SAE1: variants seen among roughly 807,000 people sequenced by gnomAD.
SAE1 encodes the protein SUMO-activating enzyme subunit 1.
A neutral mutation model predicts 40.6 loss-of-function variants in SAE1; 11 were observed. The observed-to-expected ratio is 0.27, with a 90% CI of 0.17 to 0.45. SAE1 has a LOEUF of 0.45. SAE1 is among the 20% of genes least tolerant of loss of function. The pLI is 1.00. For missense variants in SAE1, 373 were observed against 427.3 expected (o/e 0.87, Z 1.12); for synonymous variants, 155 against 154.3 (o/e 1.00, Z -0.03).
chr19:47,138,855 A>C (rs1167148680), intron 1 of SAE1, among the ~76,000 whole-genome samples: 1 of 152,178 alleles, frequency 6.6e-6, no homozygotes, highest in Non-Finnish European at 1.5e-5. Flanking sequence ...TCTTAATCAA[A>C]ACAAAAACAA....
intron 5 of SAE1, among the ~76,000 whole-genome samples, chr19:47,157,779 A>G (rs1043491715): frequency 6.6e-6 from 1 of 152,144 alleles, no homozygotes; most frequent in Non-Finnish European, 1.5e-5. Context: ...CACTTGAACA[A>G]TGCAGGCTCG....
chr19:47,182,515 G>A (rs577869422), intron 6 of SAE1, among the ~76,000 whole-genome samples: 33 of 151,158 alleles, frequency 2.2e-4, no homozygotes, highest in African/African-American at 7.1e-4. Context: ...GCACGCGCGC[G>A]CGCACACCAC....
chr19:47,200,289 A>G (rs925459021), intron 7 of SAE1, among the ~76,000 whole-genome samples: 1 of 148,280 alleles, frequency 6.7e-6, no homozygotes, highest in African/African-American at 2.5e-5. Context: ...GCTAGAGTGC[A>G]GTGGCACATC....
intron 2 of SAE1, among the ~76,000 whole-genome samples, chr19:47,145,931 T>G (rs917107881): frequency 1.6e-5 from 2 of 121,240 alleles, no homozygotes; most frequent in African/African-American, 6.3e-5. Flanking sequence ...GTTCCCATTC[T>G]CAAGGTTTTT....
chr19:47,187,181 G>A lies in SAE1; in HGVS notation c.734-10052G>A, dbSNP rs192540391. On this transcript the variant is annotated intron_variant, in intron 6 of 8. Coordinates refer to ENST00000270225, the MANE Select transcript of SAE1 (RefSeq NM_005500.3). ...GATGGCAAGATGCCGTGAATGGTTA[G>A]AGGCCAGGAGAGCCAGAATCAGAGT... Among the ~76,000 whole-genome samples the A allele has an allele frequency of 3.9e-3, 594 of 152,300 alleles. 5 individuals carry two copies. Among genetic ancestry groups the A allele is most frequent in the African/African-American group, 0.014 (567 of 41,546 alleles).
chr19:47,187,249 T>G (rs946913400), intron 6 of SAE1, among the ~76,000 whole-genome samples: 1 of 152,200 alleles, frequency 6.6e-6, no homozygotes, highest in Non-Finnish European at 1.5e-5. Flanking sequence ...AGCCCAGCTA[T>G]GTCACTCCTC....
At chr19:47,170,293 C>T (rs2058422807) in intron 6 of SAE1, among the ~76,000 whole-genome samples, 1 of 150,802 alleles carries the variant, frequency 6.6e-6, no homozygotes, top group Non-Finnish European at 1.5e-5. Flanking sequence ...TGGCTCACTG[C>T]AACCTCCACC....
chr19:47,160,684 C>T (rs565017002), intron 5 of SAE1, among the ~76,000 whole-genome samples: 3 of 152,108 alleles, frequency 2.0e-5, no homozygotes, highest in South Asian at 2.1e-4. Context: ...CGTGAGCCAC[C>T]GTGCCCAGCC....
chr19:47,205,804 T>C (rs1407436541), intron 8 of SAE1, among the ~76,000 whole-genome samples: 1 of 152,190 alleles, frequency 6.6e-6, no homozygotes, highest in Non-Finnish European at 1.5e-5. Flanking sequence ...CCCTGGTTTA[T>C]AAAAGAGAGA....
At chr19:47,135,650 G>T (rs973896522) in intron 1 of SAE1, 3 of 151,950 alleles carry the variant, frequency 2.0e-5, no homozygotes, top group Non-Finnish European at 4.4e-5. Flanking sequence ...ACTATAGCAC[G>T]TGTCACAAGC....
chr19:47,133,963 A>G (rs2058163291), intron 1 of SAE1, among the ~76,000 whole-genome samples: 1 of 151,658 alleles, frequency 6.6e-6, no homozygotes, highest in African/African-American at 2.4e-5. Flanking sequence ...CCCAGGTTCA[A>G]GCAATTCTCC....
intron 6 of SAE1, among the ~76,000 whole-genome samples, chr19:47,180,538 A>G (rs894738374): frequency 5.3e-5 from 8 of 151,924 alleles, no homozygotes; most frequent in Non-Finnish European, 2.9e-5. Flanking sequence ...TCCTTATCAG[A>G]TGCTTTTATG....
At chr19:47,193,845 GAAAAGA>G (rs57805163) in intron 6 of SAE1, among the ~76,000 whole-genome samples, 8,015 of 111,108 alleles carry the variant, frequency 0.072, 603 homozygotes, top group African/African-American at 0.21. Context: ...AAAAAAGAAA[GAAAAGA>G]AAAAGAAAAA....
At chr19:47,167,604 T>A (rs2058402432) in intron 5 of SAE1, among the ~76,000 whole-genome samples, 1 of 152,160 alleles carries the variant, frequency 6.6e-6, no homozygotes, top group African/African-American at 2.4e-5. Context: ...AACTGCCTGG[T>A]AACTGATAGA....
chr19:47,206,991 A>C (rs941103358), intron 8 of SAE1, among the ~76,000 whole-genome samples: 7 of 152,188 alleles, frequency 4.6e-5, no homozygotes, highest in African/African-American at 1.7e-4. Flanking sequence ...GGCATAGAGT[A>C]GATGCTTAAT....
At position 47,182,464 on chromosome 19, in the gene SAE1, AGTGTGTGTGTGTGTGT is replaced by A. The variant is rs113149127; in HGVS notation, c.733+12559_733+12574del. Among the ~76,000 whole-genome samples, 593 of 144,454 alleles carry A rather than the reference AGTGTGTGTGTGTGTGT, an allele frequency of 4.1e-3. 6 individuals carry two copies. The highest frequency in any genetic ancestry group is 0.014 in the African/African-American group (561 of 39,536). The allele number at this position is 144,454 out of a possible 152,430, so 94.8% of individuals were successfully genotyped here. A position where few individuals can be genotyped will look rare whatever the true frequency, so the allele number is the denominator to read the frequency against. ...TTTGTAAGGAAAAAGAAAAAAGCGT[AGTGTGTGTGTGTGTGT>A]GTGTGTGTGTGTGTGTGCGCGCACG... On this transcript the variant is annotated intron_variant, in intron 6 of 8. Transcript: ENST00000270225.
intron 4 of SAE1, among the ~76,000 whole-genome samples, chr19:47,154,863 G>A (rs758015676): frequency 1.1e-3 from 168 of 152,252 alleles, no homozygotes; most frequent in Non-Finnish European, 2.0e-3. Context: ...TTTATTGAGA[G>A]CAGCTGTGTG....
intron 6 of SAE1, among the ~76,000 whole-genome samples, chr19:47,196,332 G>GGTTT (rs1568608690): frequency 1.3e-5 from 1 of 76,324 alleles, no homozygotes; most frequent in Non-Finnish European, 2.3e-5. Context: ...ACCGCGCCTG[G>GGTTT]CTTTTTTTTT....
At chr19:47,140,104 A>ATT (rs1211393505) in intron 1 of SAE1, among the ~76,000 whole-genome samples, 2 of 135,226 alleles carry the variant, frequency 1.5e-5, no homozygotes, top group African/African-American at 2.7e-5. Flanking sequence ...CTCCCGGCTA[A>ATT]TTTTTTTTTT....
Sources: gnomAD v4.1 joint callset for allele counts (sites outside exome capture counted in the v4.1 genomes callset) on GRCh38, gnomAD v4.1.1 for gene constraint, MANE v1.5 for transcripts, NCBI Gene and HGNC (gene_info 2026-07-23, HGNC 2026-07-21) for gene names.